The following ZNF320 variants were observed in gnomAD, a reference collection of about 807,000 sequenced individuals.
ZNF320 encodes the protein zinc finger protein 320.
ZNF320 carries 2 observed loss-of-function variants against 6.8 expected under a neutral mutation model. The observed-to-expected ratio is 0.29, with a 90% CI of 0.12 to 0.93. The LOEUF is 0.93. Ranked by LOEUF, ZNF320 falls within the 40% of genes least tolerant of loss-of-function variation. ZNF320 has a pLI of 0.55. For synonymous variants in ZNF320, 208 were observed against 203.2 expected (o/e 1.02, Z -0.20); for missense variants, 472 against 611.0 (o/e 0.77, Z 2.40).
chr19:52,890,225 G>A lies in ZNF320; in HGVS notation c.15+16C>T, dbSNP rs537447574. 34 of 1,606,800 alleles carry A rather than the reference G, an allele frequency of 2.1e-5. No homozygotes were observed. Among genetic ancestry groups the A allele is most frequent in the Middle Eastern group, 3.3e-4 (2 of 6,052 alleles). On this transcript the variant is annotated intron_variant, in intron 4 of 5. Transcript: ENST00000682928. ...AAGGAAGGAGACAGAACAATCCACC[G>A]AGAATATCATCTCACCTGAGAAAGA...
At chr19:52,875,199 T>A (rs566192102), downstream of ZNF320, among the ~76,000 whole-genome samples, 7 of 152,308 alleles carry the variant, frequency 4.6e-5, no homozygotes, top group African/African-American at 1.7e-4. Context: ...AGAAATACAC[T>A]GTCACCCTCA....
downstream of ZNF320, among the ~76,000 whole-genome samples, chr19:52,860,134 G>T (rs1049186557): frequency 1.3e-5 from 2 of 152,020 alleles, no homozygotes; most frequent in Non-Finnish European, 2.9e-5. Flanking sequence ...GGATGGTCTC[G>T]ATCTCCTGAC....
chr19:52,865,314 C>A, intron 5 of ZNF320: 1 of 282,176 alleles, frequency 3.5e-6, no homozygotes, highest in South Asian at 4.0e-5. Flanking sequence ...AAGAACGGTA[C>A]CCCATTTCAA....
chr19:52,898,341 G>T (rs982320575), upstream of ZNF320, among the ~76,000 whole-genome samples: 6 of 152,172 alleles, frequency 3.9e-5, no homozygotes, highest in African/African-American at 1.2e-4. Flanking sequence ...ACACAGCAGG[G>T]ATGTGGGCGA....
At chr19:52,868,526 G>A (rs1481467318) in intron 5 of ZNF320, among the ~76,000 whole-genome samples, 1 of 151,666 alleles carries the variant, frequency 6.6e-6, no homozygotes, top group Non-Finnish European at 1.5e-5. Flanking sequence ...AAAATCTGGA[G>A]GCAAATTAAC....
intron 5 of ZNF320, 132 bp downstream of exon 5, chr19:52,887,995 T>C (rs1332361678): frequency 9.7e-6 from 14 of 1,440,026 alleles, no homozygotes; most frequent in Non-Finnish European, 1.1e-5. Flanking sequence ...TGCTACATCA[T>C]GAAGCTTTTC....
downstream of ZNF320, among the ~76,000 whole-genome samples, chr19:52,873,111 A>G (rs11084201): frequency 0.3 from 45,139 of 151,958 alleles, 7,247 homozygotes; most frequent in African/African-American, 0.38. Flanking sequence ...GAGACATTCC[A>G]TTCCCAGGGA....
intron 4 of ZNF320, 32 bp downstream of exon 4, chr19:52,890,209 G>C (rs750620256): frequency 2.5e-6 from 4 of 1,605,750 alleles, no homozygotes; most frequent in Non-Finnish European, 1.7e-6. Context: ...AAAGGAAGGA[G>C]ACAGAACAAT....
chr19:52,895,008 A>T (rs1212188302), intron 1 of ZNF320: 1 of 152,238 alleles, frequency 6.6e-6, no homozygotes, highest in African/African-American at 2.4e-5. Context: ...AGGTTCCAAA[A>T]CAATCCAGCC....
chr19:52,903,286 A>G, the ZNF320 span, among the ~76,000 whole-genome samples: 1 of 152,228 alleles, frequency 6.6e-6, no homozygotes, highest in African/African-American at 2.4e-5. Context: ...TGGGACTTCA[A>G]TTATCCTTTG....
rs556871357 is a variant in ZNF320 at position 52,862,018 on chromosome 19, T to C, written c.*2011A>G. On this transcript the variant is annotated 3_prime_UTR_variant, in exon 6 of 6. Coordinates refer to the ZNF320 transcript ENST00000673631. ...TCAATCATGACATTTGTAAGGTTTC[T>C]CTCCAGTATGAGTTCGCTGATGAAC... The C allele has an allele frequency of 2.7e-4, 105 of 382,496 alleles. 1 individual carries two copies. Among genetic ancestry groups the C allele is most frequent in the South Asian group, 2.2e-3 (102 of 47,436 alleles). The allele number at this position is 382,496 out of a possible 1,614,324, so 23.7% of individuals were successfully genotyped here.
At chr19:52,862,404 C>T in exon 6 of ZNF320, 2 of 455,280 alleles carry the variant, frequency 4.4e-6, no homozygotes, top group South Asian at 1.7e-5. Flanking sequence ...TGATTTACGA[C>T]TGAAAACTTT....
chr19:52,877,323 C>A lies in ZNF320; in HGVS notation c.*3273G>T, dbSNP rs75406521. The A allele has an allele frequency of 0.18, 27,167 of 152,142 alleles. 2,848 individuals are homozygous for A. Among genetic ancestry groups the A allele is most frequent in the South Asian group, 0.28 (1,350 of 4,812 alleles). 9.4% of individuals were successfully genotyped at this position (152,142 alleles called of 1,614,324 possible). On this transcript the variant is annotated 3_prime_UTR_variant, in exon 6 of 6. Coordinates refer to ENST00000682928, the MANE Select transcript of ZNF320 (RefSeq NM_001351774.2). The stretch of plus-strand genomic sequence containing the variant: ...AAGGTGGAATAACTGGAATTGGGGA[C>A]CTTCTGGGTCACAGGTAGATAACAA...
upstream of ZNF320, among the ~76,000 whole-genome samples, chr19:52,899,729 G>A (rs1008732961): frequency 1.3e-5 from 2 of 152,114 alleles, no homozygotes; most frequent in African/African-American, 4.8e-5. Flanking sequence ...CCAAAGTGCT[G>A]GGATTACAGG....
intron 5 of ZNF320, chr19:52,883,706 T>C: frequency 2.4e-6 from 1 of 411,102 alleles, no homozygotes. Context: ...GAGACCAGCC[T>C]GGAACAAATG....
chr19:52,890,391 T>G, intron 3 of ZNF320, 63 bp from the exon 4 acceptor site: 2 of 1,285,644 alleles, frequency 1.6e-6, no homozygotes, highest in Non-Finnish European at 2.1e-6. Flanking sequence ...CATAACACAA[T>G]GACACATACA....
In ZNF320 at chr19:52,865,895, A is replaced by ATATATATGATTATACACATATATT. The variant is rs1248894499; in HGVS notation, c.224-1760_224-1737dup. ...ATATTTATATATTATACATATATTT[A>ATATATATGATTATACACATATATT]TATATATGATTATACACATATATTT... is the stretch of plus-strand genomic sequence containing the variant. On this transcript the variant is annotated intron_variant, in intron 5 of 5. Transcript: ENST00000673631. Among the ~76,000 whole-genome samples, 69 of 92,404 alleles carry ATATATATGATTATACACATATATT rather than the reference A, an allele frequency of 7.5e-4. 2 individuals are homozygous for ATATATATGATTATACACATATATT. The highest frequency in any genetic ancestry group is 3.0e-3 in the African/African-American group (63 of 20,926). 60.6% of individuals were successfully genotyped at this position (92,404 alleles called of 152,430 possible).
At chr19:52,867,061 G>A (rs959209626) in intron 5 of ZNF320, among the ~76,000 whole-genome samples, 1 of 150,992 alleles carries the variant, frequency 6.6e-6, no homozygotes, top group Admixed American at 6.6e-5. Context: ...TGATAAACTG[G>A]GATCAGAGAA....
intron 5 of ZNF320, among the ~76,000 whole-genome samples, chr19:52,886,953 GA>G (rs1416755127): frequency 8.1e-6 from 1 of 123,222 alleles, no homozygotes; most frequent in Non-Finnish European, 1.7e-5. Context: ...AAGAAAAGAA[GA>G]AAGAAAGAAA....
Sources: gnomAD v4.1 joint callset for allele counts (sites outside exome capture counted in the v4.1 genomes callset) on GRCh38, gnomAD v4.1.1 for gene constraint, MANE v1.5 for transcripts, NCBI Gene and HGNC (gene_info 2026-07-23, HGNC 2026-07-21) for gene names.